FAAH2: variants seen among roughly 807,000 people sequenced by gnomAD.
FAAH2 encodes the protein fatty-acid amide hydrolase 2.
FAAH2 carries 60 observed loss-of-function variants against 36.9 expected under a neutral mutation model. That is an observed-to-expected ratio of 1.63 (90% CI 1.32 to 2.02). The LOEUF is 2.02. Among genes scored for constraint, FAAH2 ranks in the 30% most tolerant of loss-of-function variants. The probability of loss-of-function intolerance (pLI) is 0.00; values close to 1 mark genes in which losing one functional copy is unlikely to be tolerated. For synonymous variants in FAAH2, 214 were observed against 143.8 expected (o/e 1.49, Z -3.49); for missense variants, 689 against 397.5 (o/e 1.73, Z -6.23).
chrX:57,453,791 A>G (rs778332593), intron 10 of FAAH2, among the ~76,000 whole-genome samples: 138 of 112,062 alleles, frequency 1.2e-3, no homozygotes, highest in Middle Eastern at 4.7e-3. Flanking sequence ...CTCTTAGATG[A>G]TCAGGACTTG....
chrX:57,258,051 T>C, the FAAH2 span, among the ~76,000 whole-genome samples: 1 of 111,826 alleles, frequency 8.9e-6, no homozygotes, highest in Admixed American at 9.5e-5. Flanking sequence ...AATTATATTA[T>C]ACAATTATAG....
intron 10 of FAAH2, among the ~76,000 whole-genome samples, chrX:57,471,492 A>G (rs905379356): frequency 3.6e-5 from 4 of 111,823 alleles, no homozygotes; most frequent in African/African-American, 1.3e-4. Flanking sequence ...CCCATTCACA[A>G]TTGCTTCAAA....
chrX:57,474,177 T>C (rs1398306822), intron 10 of FAAH2, among the ~76,000 whole-genome samples: 1 of 111,805 alleles, frequency 8.9e-6, no homozygotes, highest in Non-Finnish European at 1.9e-5. Flanking sequence ...ATTTTTTGTA[T>C]GTCCAATCTA....
At chrX:57,379,950 A>T (rs1334001044) in intron 6 of FAAH2, among the ~76,000 whole-genome samples, 2 of 109,709 alleles carry the variant, frequency 1.8e-5, no homozygotes, top group East Asian at 5.7e-4. Flanking sequence ...GGCTCTTGTG[A>T]TTCAATCATT....
At chrX:57,467,098 C>T (rs763164379) in intron 10 of FAAH2, among the ~76,000 whole-genome samples, 12 of 111,175 alleles carry the variant, frequency 1.1e-4, no homozygotes, top group Non-Finnish European at 2.1e-4. Context: ...AAGTTTCAAT[C>T]TATTATTAAA....
chrX:57,402,166 G>T (rs1379712801), intron 7 of FAAH2, among the ~76,000 whole-genome samples: 1 of 112,228 alleles, frequency 8.9e-6, no homozygotes, highest in Non-Finnish European at 1.9e-5. Context: ...CAGTCCTGCT[G>T]CTGGATCATC....
the FAAH2 span, among the ~76,000 whole-genome samples, chrX:57,256,388 C>T: frequency 9.0e-6 from 1 of 111,633 alleles, no homozygotes; most frequent in Non-Finnish European, 1.9e-5. Flanking sequence ...ATCAAGCTAC[C>T]ACTGACTTTC....
the FAAH2 span, among the ~76,000 whole-genome samples, chrX:57,209,621 C>A: frequency 9.0e-6 from 1 of 111,466 alleles, no homozygotes; most frequent in African/African-American, 3.3e-5. Context: ...TCTTTCAGAG[C>A]CATAAGCTTT....
chrX:57,425,893 A>G (rs1006073447), intron 7 of FAAH2, among the ~76,000 whole-genome samples: 1 of 112,133 alleles, frequency 8.9e-6, no homozygotes, highest in Admixed American at 9.5e-5. Flanking sequence ...CACTTAAAAG[A>G]CACAATTGGC....
chrX:57,186,676 T>C, the FAAH2 span, among the ~76,000 whole-genome samples: 1 of 112,268 alleles, frequency 8.9e-6, no homozygotes, highest in South Asian at 3.7e-4. Context: ...AGTTTTCTTC[T>C]AGGGTTTTGA....
the FAAH2 span, among the ~76,000 whole-genome samples, chrX:57,208,795 G>A: frequency 8.9e-6 from 1 of 112,028 alleles, no homozygotes; most frequent in Non-Finnish European, 1.9e-5. Context: ...CAAAGGGATG[G>A]GCTCTGGCTA....
intron 10 of FAAH2, among the ~76,000 whole-genome samples, chrX:57,464,152 A>G (rs1013593145): frequency 1.8e-5 from 2 of 111,980 alleles, no homozygotes; most frequent in African/African-American, 3.2e-5. Flanking sequence ...CAACTAACAC[A>G]GGAACAGAAA....
At chrX:57,281,804 G>C (rs764805379), upstream of FAAH2, among the ~76,000 whole-genome samples, 1 of 111,446 alleles carries the variant, frequency 9.0e-6, no homozygotes, top group South Asian at 3.8e-4. Context: ...CCACTCATAA[G>C]TGAGAACATG....
chrX:57,341,890 C>T (rs1387835075), intron 5 of FAAH2, among the ~76,000 whole-genome samples: 2 of 111,038 alleles, frequency 1.8e-5, no homozygotes, highest in African/African-American at 6.6e-5. Flanking sequence ...CAGTTATTGG[C>T]ATTTACTGTT....
At chrX:57,292,373 A>C (rs1033284611) in intron 1 of FAAH2, 125 bp from the exon 2 acceptor site, 1 of 563,091 alleles carries the variant, frequency 1.8e-6, no homozygotes, top group Non-Finnish European at 2.8e-6. Context: ...GGGGGACTAC[A>C]CTGTGTAATT....
chrX:57,145,450 G>T, the FAAH2 span, among the ~76,000 whole-genome samples: 1 of 111,645 alleles, frequency 9.0e-6, no homozygotes, highest in Non-Finnish European at 1.9e-5. Flanking sequence ...GGAGATTCCG[G>T]ATATTAGTCC....
chrX:57,228,345 G>T, the FAAH2 span, among the ~76,000 whole-genome samples: 3 of 111,018 alleles, frequency 2.7e-5, no homozygotes, highest in Non-Finnish European at 5.7e-5. Flanking sequence ...CCTGTGTTTC[G>T]CTGGGTTTGG....
chrX:57,271,199 G>A, the FAAH2 span, among the ~76,000 whole-genome samples: 1 of 112,863 alleles, frequency 8.9e-6, no homozygotes, highest in African/African-American at 3.2e-5. Context: ...TATGATCACA[G>A]TGTAAACAAA....
chrX:57,135,568 G>C, the FAAH2 span: 1 of 503,865 alleles, frequency 2.0e-6, no homozygotes, highest in Non-Finnish European at 3.1e-6. Flanking sequence ...AGCCGAAATT[G>C]ACAGCTGTTC....
Sources: allele counts gnomAD v4.1 joint callset (sites outside exome capture counted in the v4.1 genomes callset), GRCh38; gene constraint gnomAD v4.1.1; transcripts MANE v1.5; gene names NCBI Gene and HGNC (gene_info 2026-07-23, HGNC 2026-07-21).